Variants in MAF observed in about 807,000 individuals in gnomAD.
The protein encoded by MAF is transcription factor Maf.
In MAF, 10 loss-of-function variants were observed where a neutral mutation model predicts 22.0. That is an observed-to-expected ratio of 0.45 (90% CI 0.28 to 0.77). MAF has a LOEUF of 0.77. MAF is among the 30% of genes least tolerant of loss of function. The pLI is 0.12. For missense variants in MAF, 544 were observed against 548.4 expected (o/e 0.99, Z 0.08); for synonymous variants, 337 against 255.8 (o/e 1.32, Z -3.03).
the MAF span, chr16:79,211,845 C>T: frequency 1.9e-6 from 3 of 1,610,696 alleles, no homozygotes; most frequent in East Asian, 2.2e-5. Flanking sequence ...TGTGTGTCCC[C>T]TCACGCAAGT....
At chr16:79,206,468 A>C in the MAF span, 1 of 152,214 alleles carries the variant, frequency 6.6e-6, no homozygotes, top group East Asian at 1.9e-4. Flanking sequence ...AAATGGAAAT[A>C]CTAACTGTCC....
At chr16:79,558,307 A>AAGGGAGGGAGGCAAAG in the MAF span, among the ~76,000 whole-genome samples, 1 of 152,046 alleles carries the variant, frequency 6.6e-6, no homozygotes, top group Admixed American at 6.6e-5. Flanking sequence ...AGAAAGAAGG[A>AAGGGAGGGAGGCAAAG]AGGGAGGGAG....
chr16:79,255,804 C>T, the MAF span, among the ~76,000 whole-genome samples: 1 of 152,006 alleles, frequency 6.6e-6, no homozygotes, highest in Non-Finnish European at 1.5e-5. Flanking sequence ...GGCCCAGGTT[C>T]CTCATCTGTG....
chr16:79,272,480 C>T, the MAF span, among the ~76,000 whole-genome samples: 1 of 152,150 alleles, frequency 6.6e-6, no homozygotes, highest in South Asian at 2.1e-4. Context: ...GAGGTGGGAG[C>T]TTTCATCTCT....
the MAF span, among the ~76,000 whole-genome samples, chr16:79,471,349 T>A: frequency 6.6e-6 from 1 of 152,226 alleles, no homozygotes; most frequent in African/African-American, 2.4e-5. Context: ...TTTTTCACAC[T>A]TTCCAGATGT....
chr16:79,553,494 G>C, the MAF span, among the ~76,000 whole-genome samples: 1 of 152,208 alleles, frequency 6.6e-6, no homozygotes, highest in African/African-American at 2.4e-5. Context: ...TTTGTGCTCA[G>C]AAAGCACCTT....
chr16:79,252,202 G>A, the MAF span, among the ~76,000 whole-genome samples: 2 of 152,134 alleles, frequency 1.3e-5, no homozygotes, highest in Non-Finnish European at 2.9e-5. Context: ...GACCCATGTC[G>A]CAACTACTTA....
the MAF span, among the ~76,000 whole-genome samples, chr16:79,465,038 A>G: frequency 6.6e-6 from 1 of 152,208 alleles, no homozygotes; most frequent in African/African-American, 2.4e-5. Context: ...GATCTCAAAC[A>G]TGTTGGTTAA....
the MAF span, among the ~76,000 whole-genome samples, chr16:79,228,768 C>A: frequency 6.6e-6 from 1 of 151,536 alleles, no homozygotes; most frequent in South Asian, 2.1e-4. Flanking sequence ...CTCAGGAAGA[C>A]GAATATAATG....
chr16:79,203,172 A>C, the MAF span: 4 of 152,182 alleles, frequency 2.6e-5, no homozygotes, highest in Non-Finnish European at 5.9e-5. Flanking sequence ...CTGTGAAGAG[A>C]TCTCTCTGTG....
the MAF span, among the ~76,000 whole-genome samples, chr16:79,293,556 G>T: frequency 6.6e-6 from 1 of 152,162 alleles, no homozygotes; most frequent in African/African-American, 2.4e-5. Flanking sequence ...AGTGATGCTA[G>T]ACACCCACAT....
At chr16:79,575,207 G>C in the MAF span, among the ~76,000 whole-genome samples, 3 of 151,982 alleles carry the variant, frequency 2.0e-5, no homozygotes, top group African/African-American at 7.2e-5. Context: ...ATGAATCTCA[G>C]TACAAGTTTC....
chr16:79,429,857 A>AC, the MAF span, among the ~76,000 whole-genome samples: 38 of 151,870 alleles, frequency 2.5e-4, no homozygotes, highest in Admixed American at 4.6e-4. Context: ...CTCCAGCCTA[A>AC]CCCCCCAGGA....
chr16:79,412,889 G>C, the MAF span, among the ~76,000 whole-genome samples: 1 of 152,240 alleles, frequency 6.6e-6, no homozygotes, highest in East Asian at 1.9e-4. Context: ...AATCTCACAA[G>C]AGTCAGCACC....
chr16:79,271,295 C>G, the MAF span, among the ~76,000 whole-genome samples: 2 of 119,894 alleles, frequency 1.7e-5, no homozygotes, highest in African/African-American at 6.6e-5. Context: ...GAGTACACAC[C>G]TCACAAGGCA....
chr16:79,223,185 C>G, the MAF span, among the ~76,000 whole-genome samples: 3 of 152,282 alleles, frequency 2.0e-5, no homozygotes, highest in Admixed American at 2.0e-4. Flanking sequence ...ACAGTGCAAT[C>G]ATATTAGAAC....
chr16:79,490,682 G>T, the MAF span, among the ~76,000 whole-genome samples: 1 of 152,164 alleles, frequency 6.6e-6, no homozygotes, highest in Non-Finnish European at 1.5e-5. Flanking sequence ...GACTGTTACA[G>T]AGATTGGAAA....
At chr16:79,563,586 AT>A in the MAF span, among the ~76,000 whole-genome samples, 1 of 151,744 alleles carries the variant, frequency 6.6e-6, no homozygotes, top group Non-Finnish European at 1.5e-5. Context: ...AATACTTTTG[AT>A]TTATGGCATT....
the MAF span, among the ~76,000 whole-genome samples, chr16:79,207,070 G>C: frequency 6.6e-6 from 1 of 152,156 alleles, no homozygotes; most frequent in Admixed American, 6.5e-5. Context: ...GCCTCTCCTG[G>C]GGGAGTGTTA....
Sources: gnomAD v4.1 joint callset for allele counts (sites outside exome capture counted in the v4.1 genomes callset) on GRCh38, gnomAD v4.1.1 for gene constraint, MANE v1.5 for transcripts, NCBI Gene and HGNC (gene_info 2026-07-23, HGNC 2026-07-21) for gene names.